The following DOCK10 variants were observed in gnomAD, a reference collection of about 807,000 sequenced individuals.
DOCK10 encodes dedicator of cytokinesis protein 10.
A neutral mutation model predicts 280.1 loss-of-function variants in DOCK10; 145 were observed. The observed-to-expected ratio is 0.52, with a 90% CI of 0.45 to 0.59. The LOEUF (loss-of-function observed/expected upper bound fraction) is 0.59, where lower values mean the gene tolerates loss of function less well. DOCK10 is among the 20% of genes least tolerant of loss of function. The probability of loss-of-function intolerance (pLI) is 0.00; values close to 1 mark genes in which losing one functional copy is unlikely to be tolerated. For synonymous variants in DOCK10, 915 were observed against 942.2 expected (o/e 0.97, Z 0.53); for missense variants, 2,368 against 2,651.7 (o/e 0.89, Z 2.35).
At position 224,920,154 on chromosome 2, in the gene DOCK10, C is replaced by A. The variant is rs1414884528; in HGVS notation, c.244-3370G>T. On this transcript the variant is annotated intron_variant, in intron 2 of 55. Transcript: ENST00000258390. Reference sequence around the variant, plus strand: ...GTGGTACAATCACAGCTCACAGCAGCCTCGACCTCCGGGGCTCCAGTGATC... The same window carrying A: ...GTGGTACAATCACAGCTCACAGCAGACTCGACCTCCGGGGCTCCAGTGATC... Among the ~76,000 whole-genome samples the A allele has an allele frequency of 2.0e-5, 3 of 152,186 alleles. No individual in the cohort carries two copies. The East Asian group carries it at 5.8e-4, about 29-fold the overall frequency.
At chr2:224,959,129 C>T (rs1367261582) in intron 1 of DOCK10, among the ~76,000 whole-genome samples, 1 of 152,152 alleles carries the variant, frequency 6.6e-6, no homozygotes, top group African/African-American at 2.4e-5. Flanking sequence ...TTCTCACTGC[C>T]CATAACTACA....
intron 3 of DOCK10, among the ~76,000 whole-genome samples, chr2:224,907,956 C>T (rs1458678069): frequency 6.6e-6 from 1 of 152,158 alleles, no homozygotes; most frequent in Non-Finnish European, 1.5e-5. Flanking sequence ...AGAATTTCTA[C>T]ATGGTCAAAT....
Position 224,931,746 on chromosome 2 carries a change from T to C in DOCK10, c.124-78A>G, listed in dbSNP as rs903894759. The stretch of plus-strand genomic sequence containing the variant: ...TCTATGCCTGGTTGGATTTCATCTC[T>C]TAGTTATCATTGAGGCTTTAACACT... On this transcript the variant is annotated intron_variant, in intron 1 of 55. Coordinates refer to ENST00000258390, the MANE Select transcript of DOCK10 (RefSeq NM_014689.3). 1.5e-3 allele frequency: 1,803 copies of C among 1,183,670 alleles called. 2 individuals carry two copies. The highest frequency in any genetic ancestry group is 1.9e-3 in the Non-Finnish European group (1,637 of 861,656). 73.3% of individuals were successfully genotyped at this position (1,183,670 alleles called of 1,614,324 possible).
intron 1 of DOCK10, among the ~76,000 whole-genome samples, chr2:225,031,121 T>G (rs1049280850): frequency 6.6e-6 from 1 of 152,098 alleles, no homozygotes; most frequent in Admixed American, 6.5e-5. Context: ...GTATCAGAAG[T>G]GTAAGGGCAA....
intron 11 of DOCK10, among the ~76,000 whole-genome samples, chr2:224,873,723 T>C (rs1319748111): frequency 6.6e-6 from 1 of 152,166 alleles, no homozygotes; most frequent in Non-Finnish European, 1.5e-5. Context: ...TAATGCTTTT[T>C]CTTTAAGTTA....
intron 1 of DOCK10, among the ~76,000 whole-genome samples, chr2:225,040,516 G>C (rs1690390418): frequency 2.9e-5 from 1 of 34,274 alleles, no homozygotes; most frequent in Non-Finnish European, 6.0e-5. Context: ...AGCAGTGCGT[G>C]TGTGTGTGTG....
intron 1 of DOCK10, among the ~76,000 whole-genome samples, chr2:224,967,371 C>T (rs773596513): frequency 3.9e-5 from 6 of 152,122 alleles, no homozygotes; most frequent in Non-Finnish European, 4.4e-5. Flanking sequence ...TGAGCCACCG[C>T]GCCCAGCCGG....
chr2:224,880,342 A>G lies in DOCK10; in HGVS notation c.748-4121T>C, dbSNP rs544583158. 1.2e-4 allele frequency among the ~76,000 whole-genome samples: 19 copies of G among 152,318 alleles called. No homozygotes were observed. The South Asian group carries it at 1.4e-3, about 12-fold the overall frequency. Reference sequence around the variant, plus strand: ...GAGAAGCTTATGTTGGGAAAGATTAAGATGTCTGAGTGGTTTTCGATCTTG... The same window carrying G: ...GAGAAGCTTATGTTGGGAAAGATTAGGATGTCTGAGTGGTTTTCGATCTTG... On this transcript the variant is annotated intron_variant, in intron 7 of 55. Coordinates refer to ENST00000258390, the MANE Select transcript of DOCK10 (RefSeq NM_014689.3).
intron 4 of DOCK10, among the ~76,000 whole-genome samples, chr2:224,895,581 G>C (rs987594532): frequency 2.0e-5 from 3 of 152,048 alleles, no homozygotes. Flanking sequence ...TATGTGCCAG[G>C]CATTCTTCTT....
chr2:224,792,541 C>A (rs977570543), intron 47 of DOCK10, among the ~76,000 whole-genome samples: 112 of 152,304 alleles, frequency 7.4e-4, no homozygotes, highest in African/African-American at 2.7e-3. Flanking sequence ...ACCTTGGCCT[C>A]CCAAGTGCTG....
chr2:224,885,305 C>A (rs1699212589), intron 7 of DOCK10, among the ~76,000 whole-genome samples: 1 of 152,180 alleles, frequency 6.6e-6, no homozygotes, highest in Admixed American at 6.5e-5. Flanking sequence ...TGGCCCTCTG[C>A]TCATTCTTTG....
intron 30 of DOCK10, 55 bp from the exon 31 acceptor site, chr2:224,814,419 A>C: frequency 1.1e-6 from 1 of 949,874 alleles, no homozygotes; most frequent in Non-Finnish European, 1.5e-6. Flanking sequence ...ACTCAGATAC[A>C]TATGTATTCA....
chr2:225,026,076 G>A (rs748868000), intron 1 of DOCK10, among the ~76,000 whole-genome samples: 4 of 152,014 alleles, frequency 2.6e-5, no homozygotes, highest in South Asian at 4.1e-4. Flanking sequence ...AGCAGGAGCC[G>A]AACAAGAAGA....
At chr2:224,883,795 A>G (rs1179956104) in intron 7 of DOCK10, among the ~76,000 whole-genome samples, 2 of 152,246 alleles carry the variant, frequency 1.3e-5, no homozygotes, top group African/African-American at 2.4e-5. Flanking sequence ...AGGTCAGATT[A>G]GAGCAATAAG....
intron 1 of DOCK10, among the ~76,000 whole-genome samples, chr2:225,005,027 GA>G (rs1246741655): frequency 6.6e-6 from 1 of 152,138 alleles, no homozygotes; most frequent in Non-Finnish European, 1.5e-5. Context: ...ACCCCTTCAT[GA>G]AACTAATTTT....
In DOCK10 at chr2:224,805,553, CGTATGGG is replaced by C. The variant is rs1230529165; in HGVS notation, c.3815-31_3815-25del. 1 of 1,610,576 alleles carries C rather than the reference CGTATGGG, an allele frequency of 6.2e-7. No individual in the cohort carries two copies. The highest frequency in any genetic ancestry group is 8.5e-7 in the Non-Finnish European group (1 of 1,178,142). On this transcript the variant is annotated intron_variant, in intron 34 of 55. Transcript: ENST00000258390. The surrounding 1 kb of genome is among the most constrained non-coding windows in gnomAD (Gnocchi z 4.3). The stretch of plus-strand genomic sequence containing the variant: ...TGCTGTAAACACAAGCCACAGCACA[CGTATGGG>C]AATGAGATGTATGGGCACACACACA...
At position 224,981,505 on chromosome 2, in the gene DOCK10, G is replaced by C. The variant is rs182343356; in HGVS notation, c.124-49837C>G. 1.5e-3 allele frequency among the ~76,000 whole-genome samples: 229 copies of C among 152,196 alleles called. 1 individual carries two copies. The highest frequency in any genetic ancestry group is 5.4e-3 in the African/African-American group (223 of 41,514). ...CATCTATTCTAATTTTAGTGACTAAGCAGATCTCTTTTTAAACTTAAAGAA... is the reference window on the plus strand; with the variant it reads ...CATCTATTCTAATTTTAGTGACTAACCAGATCTCTTTTTAAACTTAAAGAA... On this transcript the variant is annotated intron_variant, in intron 1 of 55. Transcript: ENST00000258390.
chr2:224,877,722 A>C (rs976637702), intron 7 of DOCK10, among the ~76,000 whole-genome samples: 1 of 152,220 alleles, frequency 6.6e-6, no homozygotes, highest in Admixed American at 6.5e-5. Flanking sequence ...AAGTTCAGGG[A>C]AGGACATTTA....
rs973873533 is a variant in DOCK10, at chr2:224,982,256, G to A, written c.124-50588C>T. The A allele has an allele frequency of 5.7e-6, 7 of 1,231,852 alleles. No homozygotes were observed. In the South Asian group the frequency reaches 1.6e-4, roughly 29 times the overall value. 76.3% of individuals were successfully genotyped at this position (1,231,852 alleles called of 1,614,324 possible). ...ATTCATTTCATCGTCACTTTCCAGA[G>A]GCAAAATTTCGTGGGATGGTTCCTC... On this transcript the variant is annotated intron_variant, in intron 1 of 55. Coordinates refer to ENST00000258390, the MANE Select transcript of DOCK10 (RefSeq NM_014689.3).
Sources: gnomAD v4.1 joint callset for allele counts (sites outside exome capture counted in the v4.1 genomes callset) on GRCh38, gnomAD v4.1.1 for gene constraint, Gnocchi (gnomAD v3.1) non-coding constraint, MANE v1.5 for transcripts, NCBI Gene and HGNC (gene_info 2026-07-23, HGNC 2026-07-21) for gene names.